Variants in NQO1 observed in about 807,000 individuals in gnomAD.
The protein encoded by NQO1 is NAD(P)H dehydrogenase [quinone] 1.
A neutral mutation model predicts 32.1 loss-of-function variants in NQO1; 30 were observed. The ratio of observed to expected loss-of-function variants is 0.94; its 90% CI spans 0.70 to 1.27. NQO1 has a LOEUF of 1.27. Among genes scored for constraint, NQO1 ranks in the 50% most tolerant of loss-of-function variants. The pLI is 0.00. For missense variants in NQO1, 276 were observed against 331.3 expected (o/e 0.83, Z 1.30); for synonymous variants, 109 against 119.7 (o/e 0.91, Z 0.59).
At chr16:69,719,665 C>G (rs2038164044) in intron 1 of NQO1, among the ~76,000 whole-genome samples, 1 of 151,828 alleles carries the variant, frequency 6.6e-6, no homozygotes, top group South Asian at 2.1e-4. Flanking sequence ...CCCAGCTATT[C>G]GGGAGCCTGA....
intron 3 of NQO1, among the ~76,000 whole-genome samples, chr16:69,716,479 G>GA (rs1354322727): frequency 6.6e-6 from 1 of 151,610 alleles, no homozygotes; most frequent in East Asian, 1.9e-4. Flanking sequence ...GCAACAGAGC[G>GA]AGACTCCATC....
chr16:69,714,725 C>G (rs541766839), intron 4 of NQO1, among the ~76,000 whole-genome samples: 34 of 151,594 alleles, frequency 2.2e-4, no homozygotes, highest in African/African-American at 8.0e-4. Flanking sequence ...ACTAGAAATA[C>G]AAAATTAGCC....
chr16:69,710,112 C>G lies in NQO1; in HGVS notation c.*864G>C. The stretch of plus-strand genomic sequence containing the variant: ...CTTTGGGAGGCTGAGGTAGGCGGAT[C>G]ACCTGAGGTCAGGAGTTTGAGACCA... On this transcript the variant is annotated 3_prime_UTR_variant, in exon 6 of 6. Transcript: ENST00000320623. 5.0e-6 allele frequency: 1 copy of G among 198,530 alleles called. No homozygotes were observed. Among genetic ancestry groups the G allele is most frequent in the African/African-American group, 2.3e-5 (1 of 43,346 alleles). The allele number at this position is 198,530 out of a possible 1,614,324, so 12.3% of individuals were successfully genotyped here.
chr16:69,721,982 G>A lies in NQO1; in HGVS notation c.8-3448C>T, dbSNP rs559334388. Among the ~76,000 whole-genome samples, 4 of 152,140 alleles carry A rather than the reference G, an allele frequency of 2.6e-5. No homozygotes were observed. In the South Asian group the frequency reaches 6.2e-4, roughly 24 times the overall value. ...CACACCACTGTACTCCAGCCTGGGCGACAGTGAGACTTACAAACAGTGAGA... is the reference window on the plus strand; with the variant it reads ...CACACCACTGTACTCCAGCCTGGGCAACAGTGAGACTTACAAACAGTGAGA... On this transcript the variant is annotated intron_variant, in intron 1 of 5. Coordinates refer to ENST00000320623, the MANE Select transcript of NQO1 (RefSeq NM_000903.3).
rs776862080 is a variant in NQO1, at chr16:69,716,192, A to AATCATC, written c.304-1121_304-1116dup. ...AAATAATAATAATAATAATAATAAT[A>AATCATC]ATCATCATCATCATCAACGTGGCTA... On this transcript the variant is annotated intron_variant, in intron 3 of 5. Coordinates refer to ENST00000320623, the MANE Select transcript of NQO1 (RefSeq NM_000903.3). 6.3e-3 allele frequency among the ~76,000 whole-genome samples: 903 copies of AATCATC among 144,154 alleles called. 11 individuals are homozygous for AATCATC. Among genetic ancestry groups the AATCATC allele is most frequent in the African/African-American group, 0.023 (866 of 38,262 alleles). 94.6% of individuals were successfully genotyped at this position (144,154 alleles called of 152,430 possible). A position where few individuals can be genotyped will look rare whatever the true frequency, so the allele number is the denominator to read the frequency against.
intron 1 of NQO1, among the ~76,000 whole-genome samples, chr16:69,726,044 C>T (rs2038257264): frequency 6.6e-6 from 1 of 152,196 alleles, no homozygotes; most frequent in Non-Finnish European, 1.5e-5. Context: ...AGTGAAATCA[C>T]CCATTTTAAT....
intron 3 of NQO1, among the ~76,000 whole-genome samples, chr16:69,715,296 T>C (rs1597598466): frequency 6.6e-6 from 1 of 152,252 alleles, no homozygotes; most frequent in Non-Finnish European, 1.5e-5. Flanking sequence ...AATGCAAATA[T>C]TGAGTGGGTC....
At chr16:69,712,451 GC>G (rs943763078) in intron 5 of NQO1, among the ~76,000 whole-genome samples, 7 of 152,274 alleles carry the variant, frequency 4.6e-5, no homozygotes, top group Admixed American at 2.6e-4. Flanking sequence ...TGAGACCAGG[GC>G]CCACGGCTAT....
At chr16:69,718,084 G>A (rs376396663) in intron 3 of NQO1, 39 bp downstream of exon 3, 31 of 1,611,422 alleles carry the variant, frequency 1.9e-5, no homozygotes, top group Admixed American at 3.4e-5. Context: ...CAATAAGCAC[G>A]CAAATGTCCC....
chr16:69,725,805 C>T (rs935237052), intron 1 of NQO1, among the ~76,000 whole-genome samples: 2 of 152,196 alleles, frequency 1.3e-5, no homozygotes, highest in Non-Finnish European at 2.9e-5. Context: ...ACCCGGGAGG[C>T]GGAAGTTTCG....
intron 1 of NQO1, among the ~76,000 whole-genome samples, chr16:69,725,430 A>G (rs2038247994): frequency 6.6e-6 from 1 of 152,146 alleles, no homozygotes. Context: ...TCAGCTGGTT[A>G]TTTATGCCTT....
At chr16:69,722,976 G>A (rs1265289625) in intron 1 of NQO1, among the ~76,000 whole-genome samples, 2 of 152,182 alleles carry the variant, frequency 1.3e-5, no homozygotes, top group East Asian at 3.8e-4. Flanking sequence ...CGCCCAGGCT[G>A]GAGTGCAGTG....
chr16:69,715,022 A>G lies in NQO1; in HGVS notation c.359T>C (p.Val120Ala). The G allele has an allele frequency of 6.2e-7, 1 of 1,605,590 alleles. No homozygotes were observed. The highest frequency in any genetic ancestry group is 1.4e-5 in the African/African-American group (1 of 69,232). ...PAILKGWFER[V>A]FIGEFAYTYA... is the part of the protein sequence containing the mutation. ...AGTGTAAGCAAACTCTCCTATGAACACTCGCTCAAACCAGCCTTTCAGAAT... is the reference window on the plus strand; with the variant it reads ...AGTGTAAGCAAACTCTCCTATGAACGCTCGCTCAAACCAGCCTTTCAGAAT... The change falls in exon 4 of 6, where the codon GTG becomes GCG. Residue 120 changes from valine to alanine, a missense_variant. Transcript: ENST00000320623.
intron 1 of NQO1, among the ~76,000 whole-genome samples, chr16:69,721,702 C>G (rs1203505835): frequency 6.6e-6 from 1 of 151,692 alleles, no homozygotes; most frequent in African/African-American, 2.4e-5. Flanking sequence ...AATTTAAAAA[C>G]ACAGAGAGTG....
chr16:69,717,965 G>A, intron 3 of NQO1, 158 bp downstream of exon 3: 16 of 1,079,862 alleles, frequency 1.5e-5, no homozygotes, highest in Non-Finnish European at 2.1e-5. Context: ...CAATATCTGT[G>A]AAATCCATGT....
rs558021104 is a variant in NQO1 at position 69,709,635 on chromosome 16, A to G, written c.*1341T>C. ...CTTGGCAAGTAAGAGGCTGTCTCCC[A>G]TTTTTCAGGCAACCTTTTCATCATT... On this transcript the variant is annotated 3_prime_UTR_variant, in exon 6 of 6. Coordinates refer to ENST00000320623, the MANE Select transcript of NQO1 (RefSeq NM_000903.3). The G allele has an allele frequency of 7.6e-6, 3 of 395,296 alleles. No homozygotes were observed. The highest frequency in any genetic ancestry group is 8.9e-6 in the Non-Finnish European group (2 of 224,492). The allele number at this position is 395,296 out of a possible 1,614,324, so 24.5% of individuals were successfully genotyped here.
At position 69,718,117 on chromosome 16, in the gene NQO1, C is replaced by T. The variant is rs377458718; in HGVS notation, c.303+6G>A. ...CCCTGACACCCCTTCCGATGTCCCC[C>T]CATACCTGGAATATCACAAGGTCTG... On this transcript the variant is annotated splice_donor_region_variant and intron_variant, in intron 3 of 5. Transcript: ENST00000320623. The T allele has an allele frequency of 6.8e-6, 11 of 1,613,962 alleles. No individual in the cohort carries two copies. In the African/African-American group the frequency reaches 1.3e-4, roughly 20 times the overall value.
intron 3 of NQO1, among the ~76,000 whole-genome samples, chr16:69,717,607 CTTT>C (rs937696085): frequency 7.9e-5 from 11 of 138,852 alleles, no homozygotes; most frequent in Admixed American, 2.2e-4. Flanking sequence ...TTCTTTCTTT[CTTT>C]TTTTTTTTTT....
At chr16:69,719,284 A>G (rs1028353345) in intron 1 of NQO1, among the ~76,000 whole-genome samples, 2 of 152,232 alleles carry the variant, frequency 1.3e-5, no homozygotes, top group Non-Finnish European at 2.9e-5. Flanking sequence ...TTGAAACTTT[A>G]AAGACACATA....
Sources: gnomAD v4.1 joint callset for allele counts (sites outside exome capture counted in the v4.1 genomes callset) on GRCh38, gnomAD v4.1.1 for gene constraint, MANE v1.5 for transcripts, NCBI Gene and HGNC (gene_info 2026-07-23, HGNC 2026-07-21) for gene names.